RYR1: variants seen among roughly 807,000 people sequenced by gnomAD.
The protein encoded by RYR1 is ryanodine receptor 1, also known as central core disease of muscle.
In RYR1, 342 loss-of-function variants were observed where a neutral mutation model predicts 583.5. That is an observed-to-expected ratio of 0.59 (90% CI 0.54 to 0.64). RYR1 has a LOEUF of 0.64. Among genes scored for constraint, RYR1 ranks in the 30% least tolerant of loss-of-function variants. The probability of loss-of-function intolerance (pLI) is 0.00; values close to 1 mark genes in which losing one functional copy is unlikely to be tolerated. For missense variants in RYR1, 6,032 were observed against 6,917.2 expected (o/e 0.87, Z 4.54); for synonymous variants, 2,791 against 2,822.5 (o/e 0.99, Z 0.35).
rs753089013 is a variant in RYR1, at chr19:38,496,393, A to T, written c.6664-16A>T. On this transcript the variant is annotated splice_polypyrimidine_tract_variant and intron_variant, in intron 40 of 105. Transcript: ENST00000359596. This position sits in a 1 kb window ranked among gnomAD's most constrained non-coding sequence, Gnocchi z 4.8. ...CAGCCACAGAGGGCAGGCCCTGACC[A>T]CCCTGCCTGTCCCAGGAGATCCGCT... 1.1e-5 allele frequency: 17 copies of T among 1,613,154 alleles called. No homozygotes were observed. Among genetic ancestry groups the T allele is most frequent in the Non-Finnish European group, 1.4e-5 (17 of 1,179,992 alleles).
In RYR1 at chr19:38,500,827, C is replaced by T; in HGVS notation, c.7451C>T (p.Ala2484Val). 1 of 1,530,472 alleles carries T rather than the reference C, an allele frequency of 6.5e-7. No individual in the cohort carries two copies. 94.8% of individuals were successfully genotyped at this position (1,530,472 alleles called of 1,614,324 possible). ...LQIPTLGKDG[A>V]LVQPKMSASF... ...CCACCCTCCCTGCCTGCAGATGGGG[C>T]TCTGGTGCAGCCAAAGATGTCAGCA... is the stretch of plus-strand genomic sequence containing the variant. The change falls in exon 47 of 106, where the codon GCT (alanine) becomes GTT (valine). Residue 2484 changes from alanine (A) to valine (V), a missense_variant. Around this residue, in one of 11 missense-constraint regions of RYR1, gnomAD observed 2,627 missense variants for 2,961.3 expected, o/e 0.89. Coordinates refer to ENST00000359596, the MANE Select transcript of RYR1 (RefSeq NM_000540.3). The surrounding 1 kb of genome is among the most constrained non-coding windows in gnomAD (Gnocchi z 5.9).
At position 38,502,808 on chromosome 19, in the gene RYR1, GGGA is replaced by G. The variant is rs144244037; in HGVS notation, c.7836-67_7836-65del. 1.8e-5 allele frequency: 20 copies of G among 1,081,620 alleles called. 1 individual carries two copies. Among genetic ancestry groups the G allele is most frequent in the Non-Finnish European group, 2.1e-5 (18 of 841,154 alleles). The allele number at this position is 1,081,620 out of a possible 1,614,324, so 67.0% of individuals were successfully genotyped here. A position where few individuals can be genotyped will look rare whatever the true frequency, so the allele number is the denominator to read the frequency against. ...GGGCAGGGGCAGGGGCAGGGGCAGG[GGGA>G]GGAGCAGGGGCAGGGGCAGCAGAGC... On this transcript the variant is annotated intron_variant, in intron 48 of 105. Coordinates refer to ENST00000359596, the MANE Select transcript of RYR1 (RefSeq NM_000540.3).
rs574951076 is a variant in RYR1, at chr19:38,470,660, T to C, written c.3765+1147T>C. Among the ~76,000 whole-genome samples, 292 of 151,246 alleles carry C rather than the reference T, an allele frequency of 1.9e-3. 1 individual carries two copies. Among genetic ancestry groups the C allele is most frequent in the African/African-American group, 6.8e-3 (281 of 41,122 alleles). On this transcript the variant is annotated intron_variant, in intron 27 of 105. Transcript: ENST00000359596. ...CAAGAGGCTGAGGCAGGAGAATCAC[T>C]TGAACCCAGGAGGTGGAGGTTGCAG...
chr19:38,463,143 C>A (rs868214484), intron 20 of RYR1, among the ~76,000 whole-genome samples: 2 of 49,286 alleles, frequency 4.1e-5, no homozygotes, highest in African/African-American at 8.7e-5. Context: ...GGCGATCTGC[C>A]CCCCCCCCCC....
Position 38,532,665 on chromosome 19 carries a change from C to T in RYR1, c.11194-6C>T. ...GTTCATCCCTTAACTGATGCCCCCTCCCCAGAGCTGCCACCTGGAGGAGGG... is the reference window on the plus strand; with the variant it reads ...GTTCATCCCTTAACTGATGCCCCCTTCCCAGAGCTGCCACCTGGAGGAGGG... On this transcript the variant is annotated splice_region_variant and splice_polypyrimidine_tract_variant and intron_variant, in intron 77 of 105. Transcript: ENST00000359596. The T allele has an allele frequency of 3.1e-6, 5 of 1,614,124 alleles. No individual in the cohort carries two copies. Among genetic ancestry groups the T allele is most frequent in the Non-Finnish European group, 4.2e-6 (5 of 1,180,028 alleles).
At chr19:38,547,778 C>T (rs1419036905) in intron 88 of RYR1, among the ~76,000 whole-genome samples, 9 of 151,240 alleles carry the variant, frequency 6.0e-5, no homozygotes, top group East Asian at 3.9e-4. Flanking sequence ...TGCAGTGGCA[C>T]GATCTCGGCT....
chr19:38,583,202 C>T (rs1974292448), intron 101 of RYR1, among the ~76,000 whole-genome samples: 1 of 150,628 alleles, frequency 6.6e-6, no homozygotes, highest in African/African-American at 2.4e-5. Context: ...GAGGCTGAGG[C>T]AGGAGAATCT....
chr19:38,448,884 A>G, intron 11 of RYR1, 71 bp downstream of exon 11: 1 of 1,434,330 alleles, frequency 7.0e-7, no homozygotes. Context: ...TCAAGGCTGC[A>G]GTGAGCTGGT....
chr19:38,490,354 A>C, intron 36 of RYR1, 78 bp downstream of exon 36: 2 of 1,388,698 alleles, frequency 1.4e-6, no homozygotes, highest in African/African-American at 2.9e-5. Flanking sequence ...ATCACTGAGG[A>C]CCCTCAACCT....
chr19:38,487,461 C>G (rs997566504), intron 34 of RYR1, among the ~76,000 whole-genome samples: 2 of 151,682 alleles, frequency 1.3e-5, no homozygotes, highest in African/African-American at 4.8e-5. Flanking sequence ...TCAAGAGATT[C>G]TTCTGCCTCA....
rs989876225 is a variant in RYR1, at chr19:38,586,383, G to A, written c.14970-142G>A. On this transcript the variant is annotated intron_variant, in intron 104 of 105. Coordinates refer to ENST00000359596, the MANE Select transcript of RYR1 (RefSeq NM_000540.3). ...CACCTGTAAGCCCAGCACTTTGGGA[G>A]GCCAAGTGGGGAGGATTACTTGAGG... 4 of 1,087,280 alleles carry A rather than the reference G, an allele frequency of 3.7e-6. No homozygotes were observed. In the Admixed American group the frequency reaches 5.5e-5, roughly 15 times the overall value. The allele number at this position is 1,087,280 out of a possible 1,614,324, so 67.4% of individuals were successfully genotyped here. A position where few individuals can be genotyped will look rare whatever the true frequency, so the allele number is the denominator to read the frequency against.
At chr19:38,521,707 AAAAG>A (rs1971231382) in intron 67 of RYR1, among the ~76,000 whole-genome samples, 1 of 151,502 alleles carries the variant, frequency 6.6e-6, no homozygotes, top group Non-Finnish European at 1.5e-5. Flanking sequence ...AAAAAAGAAA[AAAAG>A]AAAATTTTTT....
intron 42 of RYR1, among the ~76,000 whole-genome samples, chr19:38,498,722 C>T (rs1017508779): frequency 7.9e-5 from 12 of 152,102 alleles, no homozygotes; most frequent in African/African-American, 2.7e-4. Context: ...ACTGTCGTGG[C>T]GCTGGTGGGA....
intron 93 of RYR1, 133 bp downstream of exon 93, chr19:38,568,050 A>G: frequency 9.2e-7 from 1 of 1,085,130 alleles, no homozygotes; most frequent in Non-Finnish European, 1.4e-6. Flanking sequence ...TAGCTGGGGA[A>G]AGGGCAGAGG....
chr19:38,498,139 AG>A (rs1263267188), intron 42 of RYR1, among the ~76,000 whole-genome samples: 1 of 152,216 alleles, frequency 6.6e-6, no homozygotes, highest in Non-Finnish European at 1.5e-5. Flanking sequence ...CTGGAGGAAC[AG>A]CAGAAAGACA....
chr19:38,580,185 G>A, intron 100 of RYR1, 57 bp downstream of exon 100: 1 of 1,612,574 alleles, frequency 6.2e-7, no homozygotes, highest in Non-Finnish European at 8.5e-7. Flanking sequence ...GTGGCAGTGG[G>A]TGGTGAAGGG....
intron 49 of RYR1, among the ~76,000 whole-genome samples, chr19:38,503,775 A>AG (rs1311185768): frequency 1.3e-5 from 2 of 151,536 alleles, no homozygotes; most frequent in Admixed American, 6.6e-5. Context: ...TCCACCTCAA[A>AG]AAAAAAAAAA....
intron 42 of RYR1, among the ~76,000 whole-genome samples, chr19:38,497,246 C>T (rs573753617): frequency 6.6e-6 from 1 of 150,382 alleles, no homozygotes; most frequent in South Asian, 2.1e-4. Context: ...AGGCTGGGGG[C>T]GGATCCGCAG....
chr19:38,537,858 C>G, intron 83 of RYR1, 22 bp from the exon 84 acceptor site: 1 of 1,612,608 alleles, frequency 6.2e-7, no homozygotes, highest in Non-Finnish European at 8.5e-7. Context: ...CTCCTGGGCC[C>G]TGTCCCCTCC....
Sources: allele counts gnomAD v4.1 joint callset (sites outside exome capture counted in the v4.1 genomes callset), GRCh38; gene constraint gnomAD v4.1.1; regional missense constraint gnomAD v4.1.1; non-coding constraint Gnocchi (gnomAD v3.1); transcripts MANE v1.5; gene names NCBI Gene and HGNC (gene_info 2026-07-23, HGNC 2026-07-21).